The following AEN variants were observed in gnomAD, a reference collection of about 807,000 sequenced individuals.
AEN encodes apoptosis-enhancing nuclease.
Under a neutral mutation model 17.7 loss-of-function variants are expected in AEN, and 21 were observed. That is an observed-to-expected ratio of 1.19 (90% CI 0.84 to 1.71). The LOEUF (loss-of-function observed/expected upper bound fraction) is 1.71. Ranked by LOEUF, AEN falls within the 40% of genes most tolerant of loss-of-function variation. The pLI is 0.00. For missense variants in AEN, 462 were observed against 435.9 expected (o/e 1.06, Z -0.53); for synonymous variants, 190 against 173.0 (o/e 1.10, Z -0.77).
chr15:88,630,320 G>A lies in AEN; in HGVS notation c.*26G>A. On this transcript the variant is annotated 3_prime_UTR_variant, in exon 4 of 4. Coordinates refer to ENST00000332810, the MANE Select transcript of AEN (RefSeq NM_022767.4). This position sits in a 1 kb window ranked among gnomAD's most constrained non-coding sequence, Gnocchi z 5.1. ...GAAGGGGGCGGGGCTCCCTGGCTGGGCTTCCGGTGTGGCCGGTAGGAAGTG... is the reference window on the plus strand; with the variant it reads ...GAAGGGGGCGGGGCTCCCTGGCTGGACTTCCGGTGTGGCCGGTAGGAAGTG... The A allele has an allele frequency of 6.4e-7, 1 of 1,553,926 alleles. No individual in the cohort carries two copies. Among genetic ancestry groups the A allele is most frequent in the East Asian group, 2.4e-5 (1 of 41,460 alleles).
the AEN span, among the ~76,000 whole-genome samples, chr15:88,612,801 A>C: frequency 6.6e-6 from 1 of 152,008 alleles, no homozygotes; most frequent in Non-Finnish European, 1.5e-5. Flanking sequence ...GGGGTTTGCT[A>C]TGTTGGTCAG....
the AEN span, chr15:88,605,201 C>G: frequency 2.6e-5 from 4 of 152,300 alleles, no homozygotes; most frequent in Non-Finnish European, 5.9e-5. The surrounding 1 kb of genome is among the most constrained non-coding windows in gnomAD (Gnocchi z 7.6). Context: ...GGTGTGGGGG[C>G]GTCTGGTTCC....
chr15:88,626,424 C>A lies in AEN; in HGVS notation c.215C>A (p.Thr72Lys). ...CTGCCCACCCCTTTCGGGGCAGCGA[C>A]AGCAACTGAAGCTGCCAGCAGTGGG... ...SPLPTPFGAA[T>K]ATEAASSGKQ... The change falls in exon 2 of 4, where the codon ACA (threonine) becomes AAA (lysine). Residue 72 changes from threonine to lysine, a missense_variant. Coordinates refer to ENST00000332810, the MANE Select transcript of AEN (RefSeq NM_022767.4). 1 of 1,613,298 alleles carries A rather than the reference C, an allele frequency of 6.2e-7. No homozygotes were observed. Among genetic ancestry groups the A allele is most frequent in the Non-Finnish European group, 8.5e-7 (1 of 1,179,786 alleles).
At chr15:88,610,442 A>G in the AEN span, among the ~76,000 whole-genome samples, 81,255 of 151,804 alleles carry the variant, frequency 0.54, 23,859 homozygotes, top group African/African-American at 0.79. Flanking sequence ...ACTGCGGGGT[A>G]GACTGAAGAG....
At chr15:88,605,395 T>C in the AEN span, among the ~76,000 whole-genome samples, 1 of 152,144 alleles carries the variant, frequency 6.6e-6, no homozygotes, top group East Asian at 1.9e-4. The surrounding 1 kb of genome is among the most constrained non-coding windows in gnomAD (Gnocchi z 7.6). Flanking sequence ...AGCTGACTTG[T>C]TGCATGCAGA....
At chr15:88,624,108 C>G (rs570805352) in intron 1 of AEN, among the ~76,000 whole-genome samples, 1 of 152,252 alleles carries the variant, frequency 6.6e-6, no homozygotes, top group African/African-American at 2.4e-5. Context: ...TGCTTCAGCC[C>G]TTAACACACT....
At chr15:88,610,621 C>A in the AEN span, among the ~76,000 whole-genome samples, 370 of 152,268 alleles carry the variant, frequency 2.4e-3, 4 homozygotes, top group East Asian at 5.4e-3. Context: ...TGACTCCCCC[C>A]ACTCCTCCTG....
upstream of AEN, among the ~76,000 whole-genome samples, chr15:88,619,181 A>T (rs1326436509): frequency 6.6e-6 from 1 of 152,222 alleles, no homozygotes; most frequent in African/African-American, 2.4e-5. Context: ...TAATTAATAC[A>T]TTATTTAGAA....
At chr15:88,613,999 T>C in the AEN span, among the ~76,000 whole-genome samples, 1 of 152,150 alleles carries the variant, frequency 6.6e-6, no homozygotes, top group African/African-American at 2.4e-5. Flanking sequence ...CCCTATCATG[T>C]AGGAATTTAA....
the AEN span, among the ~76,000 whole-genome samples, chr15:88,612,325 G>C: frequency 6.6e-6 from 1 of 152,076 alleles, no homozygotes; most frequent in East Asian, 1.9e-4. Flanking sequence ...TGGAGACCGA[G>C]GTTCCCGGAT....
chr15:88,620,357 C>T (rs958670143), upstream of AEN, among the ~76,000 whole-genome samples: 2 of 151,966 alleles, frequency 1.3e-5, no homozygotes, highest in Admixed American at 6.5e-5. Flanking sequence ...TACGTGTGAA[C>T]TGTTTATTAT....
chr15:88,608,140 G>C, the AEN span: 1 of 531,438 alleles, frequency 1.9e-6, no homozygotes, highest in Admixed American at 1.9e-5. Context: ...TTCATTGGTT[G>C]GTGTGTATTG....
rs76402843 is a variant in AEN, at chr15:88,626,356, G to A, written c.147G>A (p.Glu49=). ...RFMARKALLQ[E]QGLLSMPPEP... is the part of the protein sequence containing the mutation. Reference sequence around the variant, plus strand: ...TGGCCCGGAAGGCCTTGCTGCAGGAGCAGGGGCTGCTGAGCATGCCTCCAG... The same window carrying A: ...TGGCCCGGAAGGCCTTGCTGCAGGAACAGGGGCTGCTGAGCATGCCTCCAG... Residue 49 remains glutamate (E), a synonymous_variant, in exon 2 of 4, where the codon GAG becomes GAA. Transcript: ENST00000332810. 1.2e-6 allele frequency: 2 copies of A among 1,613,218 alleles called. No homozygotes were observed. Among genetic ancestry groups the A allele is most frequent in the Non-Finnish European group, 1.7e-6 (2 of 1,179,792 alleles).
upstream of AEN, among the ~76,000 whole-genome samples, chr15:88,617,231 C>T (rs1301449491): frequency 1.3e-5 from 2 of 152,030 alleles, no homozygotes; most frequent in African/African-American, 2.4e-5. Flanking sequence ...GCTGGGACTA[C>T]AGGCATGTGC....
rs1239799623 is a variant in AEN, at chr15:88,629,283, C to G, written c.598C>G (p.Gln200Glu). The change falls in exon 3 of 4, where the codon CAG (glutamine) becomes GAG (glutamate). Residue 200 changes from glutamine (Q) to glutamate (E), a missense_variant. Physicochemically the swap from Gln to Glu is conservative, Grantham distance 29 (BLOSUM62 2). Coordinates refer to ENST00000332810, the MANE Select transcript of AEN (RefSeq NM_022767.4). The stretch of plus-strand genomic sequence containing the variant: ...GGGGCACGCGCTGCACAACGACTTC[C>G]AGGCGCTCAAGTATGTCCACCCTCG... ...VVGHALHNDF[Q>E]ALKYVHPRSQ... 2 of 1,614,044 alleles carry G rather than the reference C, an allele frequency of 1.2e-6. No individual in the cohort carries two copies. Among genetic ancestry groups the G allele is most frequent in the East Asian group, 4.5e-5 (2 of 44,894 alleles).
chr15:88,608,077 T>C, the AEN span: 2 of 516,596 alleles, frequency 3.9e-6, no homozygotes, highest in African/African-American at 3.9e-5. Context: ...ACAAAGGGTC[T>C]ACTTTCAAGA....
In AEN at chr15:88,630,315, G is replaced by T; in HGVS notation, c.*21G>T. On this transcript the variant is annotated 3_prime_UTR_variant, in exon 4 of 4. Transcript: ENST00000332810. The surrounding 1 kb of genome is among the most constrained non-coding windows in gnomAD (Gnocchi z 5.1). ...ATTGAGAAGGGGGCGGGGCTCCCTG[G>T]CTGGGCTTCCGGTGTGGCCGGTAGG... is the stretch of plus-strand genomic sequence containing the variant. The T allele has an allele frequency of 6.4e-7, 1 of 1,555,372 alleles. No homozygotes were observed. The highest frequency in any genetic ancestry group is 1.2e-5 in the South Asian group (1 of 84,632).
At chr15:88,627,018 G>T in intron 2 of AEN, 1 of 441,410 alleles carries the variant, frequency 2.3e-6, no homozygotes, top group Non-Finnish European at 4.1e-6. Flanking sequence ...ACATTTTAGA[G>T]TTTGCTTTCT....
chr15:88,624,721 T>G (rs1199135802), intron 1 of AEN, among the ~76,000 whole-genome samples: 1 of 152,090 alleles, frequency 6.6e-6, no homozygotes, highest in Non-Finnish European at 1.5e-5. Flanking sequence ...CCACCTCTAT[T>G]AAAAATACAA....
Sources: gnomAD v4.1 joint callset for allele counts (sites outside exome capture counted in the v4.1 genomes callset) on GRCh38, gnomAD v4.1.1 for gene constraint, Gnocchi (gnomAD v3.1) non-coding constraint, MANE v1.5 for transcripts, NCBI Gene and HGNC (gene_info 2026-07-23, HGNC 2026-07-21) for gene names.